Variants in NPAS3 observed in about 807,000 individuals in gnomAD.
The protein encoded by NPAS3 is neuronal PAS domain-containing protein 3.
A neutral mutation model predicts 73.1 loss-of-function variants in NPAS3; 14 were observed. The observed-to-expected ratio is 0.19, with a 90% CI of 0.13 to 0.30. NPAS3 has a LOEUF of 0.30. Among genes scored for constraint, NPAS3 ranks in the 10% least tolerant of loss-of-function variants. The pLI, the probability that NPAS3 is intolerant of heterozygous loss-of-function variation, is 1.00. For missense variants in NPAS3, 1,096 were observed against 1,250.0 expected (o/e 0.88, Z 1.86); for synonymous variants, 620 against 541.5 (o/e 1.14, Z -2.01).
intron 5 of NPAS3, among the ~76,000 whole-genome samples, chr14:33,654,579 A>G (rs1320596276): frequency 2.0e-5 from 3 of 152,214 alleles, no homozygotes; most frequent in African/African-American, 4.8e-5. Flanking sequence ...TCCAAATAAT[A>G]AAAGGGCATT....
chr14:33,700,169 T>C (rs561088911), intron 6 of NPAS3, among the ~76,000 whole-genome samples: 1 of 152,312 alleles, frequency 6.6e-6, no homozygotes, highest in African/African-American at 2.4e-5. Flanking sequence ...ATATGAGTTC[T>C]GACTGGAGTC....
At chr14:33,433,905 A>C (rs2048876631) in intron 4 of NPAS3, among the ~76,000 whole-genome samples, 1 of 152,226 alleles carries the variant, frequency 6.6e-6, no homozygotes, top group Admixed American at 6.5e-5. Flanking sequence ...AATAAAACAT[A>C]CTAGGCCGGG....
At chr14:32,996,209 AG>A (rs2038563717) in intron 1 of NPAS3, among the ~76,000 whole-genome samples, 1 of 152,226 alleles carries the variant, frequency 6.6e-6, no homozygotes, top group African/African-American at 2.4e-5. Flanking sequence ...GGTATCTAGC[AG>A]AAGAAATTTC....
chr14:33,203,489 A>G (rs1037869652), intron 2 of NPAS3, among the ~76,000 whole-genome samples: 1 of 152,082 alleles, frequency 6.6e-6, no homozygotes, highest in Non-Finnish European at 1.5e-5. Flanking sequence ...ACCCCACAAC[A>G]GGCCCCGGTG....
chr14:33,108,418 T>C (rs1291547597), intron 2 of NPAS3, among the ~76,000 whole-genome samples: 1 of 152,072 alleles, frequency 6.6e-6, no homozygotes, highest in African/African-American at 2.4e-5. Flanking sequence ...GGTTCTGAAC[T>C]CTTCACCTCA....
chr14:33,591,469 C>T (rs17101586), intron 5 of NPAS3, among the ~76,000 whole-genome samples: 7,180 of 152,154 alleles, frequency 0.047, 564 homozygotes, highest in African/African-American at 0.16. Context: ...AGTACGTGGG[C>T]GGTAAAAGCT....
At chr14:33,135,676 T>TA (rs549062083) in intron 2 of NPAS3, among the ~76,000 whole-genome samples, 52 of 151,710 alleles carry the variant, frequency 3.4e-4, no homozygotes, top group African/African-American at 1.2e-3. Context: ...CAGTGGGGGT[T>TA]AAAAAAAACA....
intron 10 of NPAS3, among the ~76,000 whole-genome samples, chr14:33,796,530 G>A (rs2063517536): frequency 6.6e-6 from 1 of 152,196 alleles, no homozygotes; most frequent in Admixed American, 6.5e-5. Context: ...ATTAGCAAAT[G>A]AGTCAGTAAT....
chr14:33,021,834 AT>A (rs1328864074), intron 1 of NPAS3, among the ~76,000 whole-genome samples: 1 of 152,220 alleles, frequency 6.6e-6, no homozygotes, highest in African/African-American at 2.4e-5. Flanking sequence ...CAATATAATA[AT>A]TGCAGGAGTG....
At chr14:33,508,550 G>A (rs1217251050) in intron 4 of NPAS3, among the ~76,000 whole-genome samples, 2 of 151,892 alleles carry the variant, frequency 1.3e-5, no homozygotes, top group Non-Finnish European at 1.5e-5. Flanking sequence ...ATAACTCTGG[G>A]GTGAGTTCTT....
intron 5 of NPAS3, among the ~76,000 whole-genome samples, chr14:33,632,101 C>T (rs1456408660): frequency 1.3e-5 from 2 of 152,152 alleles, no homozygotes; most frequent in Non-Finnish European, 2.9e-5. Context: ...CTGTAATTGA[C>T]GATATTATCT....
At chr14:33,555,211 C>T (rs2055299244) in intron 4 of NPAS3, among the ~76,000 whole-genome samples, 1 of 152,122 alleles carries the variant, frequency 6.6e-6, no homozygotes. Flanking sequence ...GTCTGTTTTA[C>T]TGTTTCTTCT....
chr14:33,017,764 T>G (rs74041761), intron 1 of NPAS3, among the ~76,000 whole-genome samples: 6 of 152,284 alleles, frequency 3.9e-5, no homozygotes, highest in African/African-American at 1.4e-4. Flanking sequence ...TAGTGCTTAT[T>G]TAGAATTTAC....
chr14:33,722,971 A>G (rs758868936), intron 6 of NPAS3, among the ~76,000 whole-genome samples: 1 of 152,138 alleles, frequency 6.6e-6, no homozygotes, highest in Non-Finnish European at 1.5e-5. Context: ...TTAACAGAAG[A>G]TACTGATTCA....
chr14:33,620,657 A>G (rs2140092867), intron 5 of NPAS3, among the ~76,000 whole-genome samples: 1 of 152,332 alleles, frequency 6.6e-6, no homozygotes, highest in African/African-American at 2.4e-5. Context: ...TTCAAAAATC[A>G]ACATTAATAG....
intron 5 of NPAS3, among the ~76,000 whole-genome samples, chr14:33,605,410 A>AAC (rs61298901): frequency 6.9e-6 from 1 of 145,430 alleles, no homozygotes; most frequent in Non-Finnish European, 1.5e-5. Flanking sequence ...AAAAAAAAAA[A>AAC]CACAAACCTT....
intron 1 of NPAS3, among the ~76,000 whole-genome samples, chr14:32,955,625 T>C (rs1244962537): frequency 6.6e-6 from 1 of 152,128 alleles, no homozygotes; most frequent in African/African-American, 2.4e-5. Context: ...TTACATAAAT[T>C]GTGACCTTTC....
At chr14:33,590,595 A>G (rs919978003) in intron 5 of NPAS3, among the ~76,000 whole-genome samples, 2 of 152,150 alleles carry the variant, frequency 1.3e-5, no homozygotes, top group Admixed American at 6.6e-5. Flanking sequence ...AGCTATTAAT[A>G]TTTTGCAGCA....
chr14:33,170,329 G>A (rs909684814), intron 2 of NPAS3, among the ~76,000 whole-genome samples: 14 of 152,174 alleles, frequency 9.2e-5, no homozygotes, highest in African/African-American at 3.4e-4. Flanking sequence ...CTAAAAACAT[G>A]TGAACAATCA....
Sources: gnomAD v4.1 joint callset for allele counts (sites outside exome capture counted in the v4.1 genomes callset) on GRCh38, gnomAD v4.1.1 for gene constraint, MANE v1.5 for transcripts, NCBI Gene and HGNC (gene_info 2026-07-23, HGNC 2026-07-21) for gene names.